Variants in NPLOC4 observed in about 807,000 individuals in gnomAD.
NPLOC4 encodes nuclear protein localization protein 4 homolog.
In NPLOC4, 18 loss-of-function variants were observed where a neutral mutation model predicts 80.6. The observed-to-expected ratio is 0.22, with a 90% CI of 0.15 to 0.33. NPLOC4 has a LOEUF of 0.33. Among genes scored for constraint, NPLOC4 ranks in the 10% least tolerant of loss-of-function variants. NPLOC4 has a pLI of 1.00. For missense variants in NPLOC4, 540 were observed against 786.1 expected, an observed-to-expected ratio of 0.69 and a Z score of 3.74; for synonymous variants, 313 against 301.5, an observed-to-expected ratio of 1.04 and a Z score of -0.39.
In NPLOC4 at chr17:81,594,653, T is replaced by C. The variant is rs150536652; in HGVS notation, c.1120+1463A>G. ...AGCCGGGTATGCTGGCAGGCTCCTA[T>C]AGTCCCAGCTACTCGGGAGGCTGAG... On this transcript the variant is annotated intron_variant, in intron 11 of 16. Coordinates refer to ENST00000331134, the MANE Select transcript of NPLOC4 (RefSeq NM_017921.4). Among the ~76,000 whole-genome samples, 1,378 of 151,950 alleles carry C rather than the reference T, an allele frequency of 9.1e-3. 33 individuals carry two copies. Among genetic ancestry groups the C allele is most frequent in the African/African-American group, 0.032 (1,320 of 41,438 alleles).
At chr17:81,584,481 A>C (rs1441487281) in intron 12 of NPLOC4, among the ~76,000 whole-genome samples, 1 of 152,216 alleles carries the variant, frequency 6.6e-6, no homozygotes, top group Non-Finnish European at 1.5e-5. Context: ...CAGCAAACTC[A>C]CAGTTAATGA....
At chr17:81,573,937 G>C (rs752957155) in intron 12 of NPLOC4, among the ~76,000 whole-genome samples, 12 of 152,332 alleles carry the variant, frequency 7.9e-5, no homozygotes, top group South Asian at 2.1e-4. Flanking sequence ...TCCACGTGAC[G>C]AGTGGCTGCC....
At chr17:81,578,620 G>A (rs1304391821) in intron 12 of NPLOC4, among the ~76,000 whole-genome samples, 1 of 152,174 alleles carries the variant, frequency 6.6e-6, no homozygotes, top group Non-Finnish European at 1.5e-5. Context: ...TTCTTCACAA[G>A]GTGGCAGGAA....
intron 2 of NPLOC4, among the ~76,000 whole-genome samples, chr17:81,623,378 C>A (rs1473547094): frequency 7.1e-6 from 1 of 141,286 alleles, no homozygotes; most frequent in Non-Finnish European, 1.5e-5. Context: ...TGAGGCAGAA[C>A]TGCTTGGGCC....
rs1053006524 is a variant in NPLOC4, at chr17:81,580,184, C to T, written c.1282-8096G>A. On this transcript the variant is annotated intron_variant, in intron 12 of 16. Coordinates refer to ENST00000331134, the MANE Select transcript of NPLOC4 (RefSeq NM_017921.4). The surrounding 1 kb of genome is among the most constrained non-coding windows in gnomAD (Gnocchi z 4.4). ...TCTCACCAGGCCTCAAGCACCACCC[C>T]AACACCATCTGTACCATGTGCCTCT... is the stretch of plus-strand genomic sequence containing the variant. 2.0e-5 allele frequency among the ~76,000 whole-genome samples: 3 copies of T among 152,178 alleles called. No homozygotes were observed. Among genetic ancestry groups the T allele is most frequent in the Non-Finnish European group, 2.9e-5 (2 of 68,032 alleles).
At chr17:81,610,317 T>C in intron 4 of NPLOC4, 59 bp from the exon 5 acceptor site, 1 of 1,494,900 alleles carries the variant, frequency 6.7e-7, no homozygotes, top group East Asian at 2.5e-5. Context: ...GTTCCGCTGC[T>C]GCTGTCTCAC....
intron 3 of NPLOC4, among the ~76,000 whole-genome samples, chr17:81,617,697 C>G (rs888048792): frequency 2.2e-5 from 3 of 136,734 alleles, no homozygotes; most frequent in Non-Finnish European, 4.6e-5. Flanking sequence ...CACGGTCTCC[C>G]TCTCATGCCG....
rs1320146151 is a variant in NPLOC4, at chr17:81,580,285, G to T, written c.1282-8197C>A. Among the ~76,000 whole-genome samples the T allele has an allele frequency of 6.6e-6, 1 of 152,138 alleles. No homozygotes were observed. The highest frequency in any genetic ancestry group is 1.5e-5 in the Non-Finnish European group (1 of 68,012). ...GACAGATCCCCAGCCTTCCAGCCTGGCCTGGACACCCTGGAGTCTGCCTGC... is the reference window on the plus strand; with the variant it reads ...GACAGATCCCCAGCCTTCCAGCCTGTCCTGGACACCCTGGAGTCTGCCTGC... On this transcript the variant is annotated intron_variant, in intron 12 of 16. Transcript: ENST00000331134. The surrounding 1 kb of genome is among the most constrained non-coding windows in gnomAD (Gnocchi z 4.4).
Position 81,567,622 on chromosome 17 carries a change from C to G in NPLOC4, c.1450-89G>C, listed in dbSNP as rs922965009. Reference sequence around the variant, plus strand: ...AGCTGTTTCCTACTAAGACGCAACTCAATACACTGAATGCTGAGACACCTC... The same window carrying G: ...AGCTGTTTCCTACTAAGACGCAACTGAATACACTGAATGCTGAGACACCTC... On this transcript the variant is annotated intron_variant, in intron 14 of 16. Coordinates refer to ENST00000331134, the MANE Select transcript of NPLOC4 (RefSeq NM_017921.4). This position sits in a 1 kb window ranked among gnomAD's most constrained non-coding sequence, Gnocchi z 4.5. The G allele has an allele frequency of 1.1e-5, 8 of 750,644 alleles. No homozygotes were observed. Among genetic ancestry groups the G allele is most frequent in the Non-Finnish European group, 1.6e-5 (7 of 431,494 alleles). The allele number at this position is 750,644 out of a possible 1,614,324, so 46.5% of individuals were successfully genotyped here. A position where few individuals can be genotyped will look rare whatever the true frequency, so the allele number is the denominator to read the frequency against.
chr17:81,616,311 ACT>A (rs1271401808), intron 3 of NPLOC4, among the ~76,000 whole-genome samples: 4 of 141,318 alleles, frequency 2.8e-5, no homozygotes, highest in Non-Finnish European at 4.6e-5. Flanking sequence ...ACATAGCAAG[ACT>A]CTGTCTCAAA....
chr17:81,564,894 G>A (rs941285994), intron 16 of NPLOC4: 2 of 191,936 alleles, frequency 1.0e-5, no homozygotes, highest in Non-Finnish European at 2.1e-5. Flanking sequence ...GTAGCTCCCG[G>A]GCACTCTGGT....
chr17:81,559,080 G>C lies in NPLOC4; in HGVS notation c.*179C>G. ...CTGCAGAATACCAGCCGTGGCGCCC[G>C]CTCTCCAGGGAGGAACGTGCTGAGA... is the stretch of plus-strand genomic sequence containing the variant. On this transcript the variant is annotated 3_prime_UTR_variant, in exon 17 of 17. Transcript: ENST00000331134. 1 of 656,112 alleles carries C rather than the reference G, an allele frequency of 1.5e-6. No homozygotes were observed. Among genetic ancestry groups the C allele is most frequent in the Non-Finnish European group, 2.5e-6 (1 of 397,974 alleles). The allele number at this position is 656,112 out of a possible 1,614,324, so 40.6% of individuals were successfully genotyped here.
chr17:81,614,415 CT>C (rs2035425752), intron 3 of NPLOC4: 2 of 152,008 alleles, frequency 1.3e-5, no homozygotes, highest in East Asian at 3.9e-4. Context: ...AGTGAGGCTG[CT>C]TAACCACCCC....
intron 9 of NPLOC4, among the ~76,000 whole-genome samples, chr17:81,598,990 T>C (rs1460121796): frequency 6.6e-6 from 1 of 152,194 alleles, no homozygotes; most frequent in African/African-American, 2.4e-5. Context: ...AATTAGGGCT[T>C]AGAAACTCAT....
intron 3 of NPLOC4, among the ~76,000 whole-genome samples, chr17:81,613,713 C>T (rs1005664656): frequency 6.6e-6 from 1 of 152,160 alleles, no homozygotes. Context: ...TAATCTCTTA[C>T]AACTTTACCT....
intron 11 of NPLOC4, among the ~76,000 whole-genome samples, chr17:81,590,730 C>T (rs866297723): frequency 6.6e-6 from 1 of 152,102 alleles, no homozygotes; most frequent in Non-Finnish European, 1.5e-5. Context: ...CACTTATGAT[C>T]AGAAAACAGA....
chr17:81,601,322 T>C (rs1423495373), intron 8 of NPLOC4, among the ~76,000 whole-genome samples: 1 of 152,222 alleles, frequency 6.6e-6, no homozygotes, highest in African/African-American at 2.4e-5. Flanking sequence ...ATGGAGGTCA[T>C]TAATACCTCC....
At chr17:81,609,017 T>A in intron 5 of NPLOC4, 195 bp from the exon 6 acceptor site, 2 of 480,414 alleles carry the variant, frequency 4.2e-6, no homozygotes. Flanking sequence ...AATTGTTTTT[T>A]GTTTGTTTGT....
intron 8 of NPLOC4, among the ~76,000 whole-genome samples, chr17:81,602,356 G>A (rs998394593): frequency 6.6e-6 from 1 of 151,952 alleles, no homozygotes; most frequent in African/African-American, 2.4e-5. Context: ...AGACCAGCGT[G>A]GGCCACACAG....
Sources: allele counts gnomAD v4.1 joint callset (sites outside exome capture counted in the v4.1 genomes callset), GRCh38; gene constraint gnomAD v4.1.1; non-coding constraint Gnocchi (gnomAD v3.1); transcripts MANE v1.5; gene names NCBI Gene and HGNC (gene_info 2026-07-23, HGNC 2026-07-21).